The following CAPN10 variants were observed in gnomAD, a reference collection of about 807,000 sequenced individuals.
CAPN10 encodes calpain 10, also known as calpain-10.
Under a neutral mutation model 78.4 loss-of-function variants are expected in CAPN10, and 71 were observed. The observed-to-expected ratio is 0.91, with a 90% CI of 0.75 to 1.10. The LOEUF is 1.10. Ranked by LOEUF, CAPN10 falls within the 50% of genes least tolerant of loss-of-function variation. CAPN10 has a pLI of 0.00. For synonymous variants in CAPN10, 437 were observed against 407.2 expected (o/e 1.07, Z -0.88); for missense variants, 849 against 924.6 (o/e 0.92, Z 1.06).
chr2:240,593,228 GC>G (rs1372023923), intron 4 of CAPN10, among the ~76,000 whole-genome samples: 1 of 152,238 alleles, frequency 6.6e-6, no homozygotes, highest in Non-Finnish European at 1.5e-5. Context: ...TTTAGAGGAA[GC>G]CCCCAGGCAG....
At chr2:240,595,644 G>T (rs1325019652) in intron 7 of CAPN10, among the ~76,000 whole-genome samples, 1 of 152,228 alleles carries the variant, frequency 6.6e-6, no homozygotes, top group African/African-American at 2.4e-5. Flanking sequence ...AGAGCCAGCG[G>T]CTGAGGACCT....
At chr2:240,587,165 G>C in intron 1 of CAPN10, 113 bp downstream of exon 1, 2 of 541,472 alleles carry the variant, frequency 3.7e-6, no homozygotes, top group East Asian at 7.0e-5. Flanking sequence ...AGGGTCCGCC[G>C]TTGTTCTCCT....
chr2:240,594,633 G>C lies in CAPN10; in HGVS notation c.921G>C (p.Glu307Asp). 1 of 1,614,012 alleles carries C rather than the reference G, an allele frequency of 6.2e-7. No homozygotes were observed. Among genetic ancestry groups the C allele is most frequent in the South Asian group, 1.1e-5 (1 of 91,084 alleles). Residue 307 changes from glutamate to aspartate, a missense_variant, in exon 6 of 12, where the codon GAG (glutamate) becomes GAC (aspartate). Glu to Asp is a conservative substitution (Grantham distance 45). Transcript: ENST00000391984. ...QEGEFWVEEE[E>D]FLREFDELTV... The stretch of plus-strand genomic sequence containing the variant: ...GGGAGTTCTGGGTGGAGGAGGAGGA[G>C]TTCCTCAGGGAGTTTGACGAGCTCA...
rs920842253 is a variant in CAPN10, at chr2:240,599,071, C to G, written c.*391C>G. The G allele has an allele frequency of 3.9e-6, 1 of 258,036 alleles. No individual in the cohort carries two copies. The highest frequency in any genetic ancestry group is 2.2e-5 in the African/African-American group (1 of 45,916). The allele number at this position is 258,036 out of a possible 1,614,324, so 16.0% of individuals were successfully genotyped here. ...TGTTCGAATCACTTTTAGGATGTAACTTTATAAATAAACATGAGCGCTGAT... is the reference window on the plus strand; with the variant it reads ...TGTTCGAATCACTTTTAGGATGTAAGTTTATAAATAAACATGAGCGCTGAT... On this transcript the variant is annotated 3_prime_UTR_variant, in exon 12 of 12. Coordinates refer to ENST00000391984, the MANE Select transcript of CAPN10 (RefSeq NM_023083.4).
chr2:240,596,722 C>A lies in CAPN10; in HGVS notation c.1523C>A (p.Ala508Asp). ...GCCAAGAACACCACCCCCGGGGCAG[C>A]CCTGCCTGCGGGGGAGTGGGGGACC... is the stretch of plus-strand genomic sequence containing the variant. ...AVAKNTTPGA[A>D]LPAGEWGTVQ... Residue 508 changes from alanine to aspartate, a missense_variant, in exon 9 of 12, where the codon GCC becomes GAC. Transcript: ENST00000391984. The A allele has an allele frequency of 6.3e-7, 1 of 1,582,630 alleles. No individual in the cohort carries two copies. Among genetic ancestry groups the A allele is most frequent in the Non-Finnish European group, 8.6e-7 (1 of 1,162,856 alleles).
intron 3 of CAPN10, chr2:240,591,242 C>T (rs965874091): frequency 3.5e-5 from 19 of 537,022 alleles, no homozygotes; most frequent in Admixed American, 1.3e-4. Flanking sequence ...CAAAGCCCAG[C>T]GTGGAGTCGT....
intron 1 of CAPN10, 100 bp from the exon 2 acceptor site, chr2:240,589,243 A>G: frequency 3.3e-6 from 5 of 1,505,030 alleles, no homozygotes; most frequent in Non-Finnish European, 4.6e-6. Context: ...ATGATCGGAA[A>G]AGCTCCACCC....
At chr2:240,587,712 G>A (rs1382962072) in intron 1 of CAPN10, among the ~76,000 whole-genome samples, 1 of 152,252 alleles carries the variant, frequency 6.6e-6, no homozygotes, top group Non-Finnish European at 1.5e-5. Flanking sequence ...GCTTTGACAG[G>A]CCACCTGGTT....
At position 240,590,625 on chromosome 2, in the gene CAPN10, C is replaced by T. The variant is rs190077389; in HGVS notation, c.274-190C>T. On this transcript the variant is annotated intron_variant, in intron 2 of 11. Transcript: ENST00000391984. The stretch of plus-strand genomic sequence containing the variant: ...AGTTCTCTGCGACATCCAGGTGTGC[C>T]GTAGAGTTCTCTGCGACATCCAGGT... 2.2e-3 allele frequency: 1,245 copies of T among 577,112 alleles called. 12 individuals are homozygous for T. The highest frequency in any genetic ancestry group is 0.021 in the African/African-American group (1,106 of 53,346). The allele number at this position is 577,112 out of a possible 1,614,324, so 35.7% of individuals were successfully genotyped here. A position where few individuals can be genotyped will look rare whatever the true frequency, so the allele number is the denominator to read the frequency against.
chr2:240,588,173 A>G (rs560606695), intron 1 of CAPN10, among the ~76,000 whole-genome samples: 4 of 152,206 alleles, frequency 2.6e-5, no homozygotes, highest in Admixed American at 6.5e-5. Flanking sequence ...CCTGGGGGTG[A>G]CCTAGAGTTG....
rs1312901863 is a variant in CAPN10 at position 240,598,410 on chromosome 2, C to T, written c.1989+13C>T. ...GTTCCTCCAAGAGGTGTGTATGCAG[C>T]CCCGCCAGCCCGGCTCACCTGCCTG... is the stretch of plus-strand genomic sequence containing the variant. On this transcript the variant is annotated intron_variant, in intron 11 of 11. Coordinates refer to ENST00000391984, the MANE Select transcript of CAPN10 (RefSeq NM_023083.4). 1 of 1,613,520 alleles carries T rather than the reference C, an allele frequency of 6.2e-7. No individual in the cohort carries two copies. Among genetic ancestry groups the T allele is most frequent in the Non-Finnish European group, 8.5e-7 (1 of 1,179,844 alleles).
intron 4 of CAPN10, among the ~76,000 whole-genome samples, chr2:240,593,209 A>C (rs1344608736): frequency 1.3e-5 from 2 of 152,216 alleles, no homozygotes; most frequent in Non-Finnish European, 2.9e-5. Context: ...AAGTCCTAGC[A>C]CTTCAGGCTT....
chr2:240,596,285 T>G, intron 7 of CAPN10, 34 bp from the exon 8 acceptor site: 2 of 1,573,578 alleles, frequency 1.3e-6, no homozygotes, highest in Middle Eastern at 1.8e-4. Flanking sequence ...CCCCGGCCGC[T>G]CCTCCACACT....
intron 4 of CAPN10, chr2:240,592,691 C>CTTTT (rs2093110090): frequency 2.8e-6 from 1 of 354,180 alleles, no homozygotes; most frequent in East Asian, 7.7e-5. Flanking sequence ...CCACATGTGA[C>CTTTT]TTTTGAGTGC....
rs372483139 is a variant in CAPN10 at position 240,596,747 on chromosome 2, C to T, written c.1548C>T (p.Thr516=). Residue 516 remains threonine (T), a synonymous_variant, in exon 9 of 12, where the codon ACC becomes ACT. Transcript: ENST00000391984. ...CCCTGCCTGCGGGGGAGTGGGGGAC[C>T]GTGCAGCTACGGGGTTCTTGGAGAG... ...GAALPAGEWG[T]VQLRGSWRVG... The T allele has an allele frequency of 1.0e-5, 16 of 1,603,850 alleles. No homozygotes were observed. The highest frequency in any genetic ancestry group is 1.7e-4 in the Middle Eastern group (1 of 6,024).
chr2:240,591,107 G>T, intron 3 of CAPN10, 96 bp downstream of exon 3: 1 of 1,134,104 alleles, frequency 8.8e-7, no homozygotes, highest in Non-Finnish European at 1.3e-6. Context: ...ACTCTGGGCT[G>T]CAGAGCCCCC....
intron 9 of CAPN10, 87 bp downstream of exon 9, chr2:240,597,029 C>G (rs1454206117): frequency 1.8e-5 from 27 of 1,534,362 alleles, no homozygotes; most frequent in Non-Finnish European, 2.1e-5. Context: ...CAACAGAGGG[C>G]TCTGGGCTCA....
chr2:240,590,801 C>G lies in CAPN10; in HGVS notation c.274-14C>G, dbSNP rs1347142685. 1.2e-6 allele frequency: 2 copies of G among 1,612,260 alleles called. No homozygotes were observed. The highest frequency in any genetic ancestry group is 1.7e-6 in the Non-Finnish European group (2 of 1,178,652). ...ATATCACGCTCGCCTTTTGCTTCTC[C>G]CTGTGCATGGCAGGTCATTCCTCCG... is the stretch of plus-strand genomic sequence containing the variant. On this transcript the variant is annotated splice_polypyrimidine_tract_variant and intron_variant, in intron 2 of 11. Transcript: ENST00000391984.
At chr2:240,588,570 T>A (rs1398887217) in intron 1 of CAPN10, among the ~76,000 whole-genome samples, 1 of 151,656 alleles carries the variant, frequency 6.6e-6, no homozygotes, top group Non-Finnish European at 1.5e-5. Context: ...GGGAAGAGAG[T>A]TGGGACCAAG....
Sources: allele counts gnomAD v4.1 joint callset (sites outside exome capture counted in the v4.1 genomes callset), GRCh38; gene constraint gnomAD v4.1.1; transcripts MANE v1.5; gene names NCBI Gene and HGNC (gene_info 2026-07-23, HGNC 2026-07-21).